The following KAT6B variants were observed in gnomAD, a reference collection of about 807,000 sequenced individuals.
KAT6B encodes histone acetyltransferase KAT6B.
In KAT6B, 10 loss-of-function variants were observed where a neutral mutation model predicts 187.5. The observed-to-expected ratio is 0.05, with a 90% CI of 0.03 to 0.09. KAT6B has a LOEUF of 0.09. KAT6B is among the 10% of genes least tolerant of loss of function. The pLI is 1.00. For synonymous variants in KAT6B, 861 were observed against 926.8 expected (o/e 0.93, Z 1.29); for missense variants, 1,952 against 2,558.9 (o/e 0.76, Z 5.12).
Position 74,998,440 on chromosome 10 carries a change from TA to T in KAT6B, c.2629+9337del, listed in dbSNP as rs529096549. ...GCAATATGGACTCATAGTAGAAAGTTAAAAAAAAAGGTGTAATTAATAGAAG... is the reference window on the plus strand; with the variant it reads ...GCAATATGGACTCATAGTAGAAAGTTAAAAAAAAGGTGTAATTAATAGAAG... On this transcript the variant is annotated intron_variant, in intron 13 of 17. Transcript: ENST00000287239. 1.9e-4 allele frequency among the ~76,000 whole-genome samples: 29 copies of T among 150,706 alleles called. No homozygotes were observed. In the East Asian group the frequency reaches 3.1e-3, roughly 16 times the overall value.
intron 13 of KAT6B, among the ~76,000 whole-genome samples, chr10:74,992,970 G>A (rs1433520761): frequency 6.6e-6 from 1 of 152,096 alleles, no homozygotes; most frequent in Non-Finnish European, 1.5e-5. Flanking sequence ...CTTCCTCTTG[G>A]ATTCTAGGAT....
In KAT6B at chr10:75,031,319, T is replaced by A; in HGVS notation, c.*273T>A. 2.1e-6 allele frequency: 1 copy of A among 470,696 alleles called. No homozygotes were observed. Among genetic ancestry groups the A allele is most frequent in the South Asian group, 2.3e-5 (1 of 42,632 alleles). The allele number at this position is 470,696 out of a possible 1,614,324, so 29.2% of individuals were successfully genotyped here. A position where few individuals can be genotyped will look rare whatever the true frequency, so the allele number is the denominator to read the frequency against. On this transcript the variant is annotated 3_prime_UTR_variant, in exon 18 of 18. Coordinates refer to ENST00000287239, the MANE Select transcript of KAT6B (RefSeq NM_012330.4). ...AGGAAGGCCTCTCTTTGGACTACAA[T>A]TTGGAGGCAGCCACTTGTTGTGCCT...
intron 4 of KAT6B, 114 bp downstream of exon 4, chr10:74,960,192 C>G (rs1841001140): frequency 2.6e-6 from 2 of 782,214 alleles, no homozygotes. Context: ...ATGGTAATAG[C>G]ATAGGCTTTA....
At chr10:74,872,087 C>G (rs956615873) in intron 3 of KAT6B, among the ~76,000 whole-genome samples, 1 of 152,190 alleles carries the variant, frequency 6.6e-6, no homozygotes, top group African/African-American at 2.4e-5. Flanking sequence ...CCTTTACTAA[C>G]AGTAACCTAA....
chr10:74,871,429 G>A (rs1308386695), intron 3 of KAT6B, among the ~76,000 whole-genome samples: 1 of 152,056 alleles, frequency 6.6e-6, no homozygotes, highest in African/African-American at 2.4e-5. Context: ...CTGACCTCAA[G>A]TGATCCACCT....
chr10:75,014,474 A>T (rs1404334337), intron 13 of KAT6B, among the ~76,000 whole-genome samples: 6 of 152,116 alleles, frequency 3.9e-5, no homozygotes, highest in Admixed American at 6.5e-5. Context: ...TTTTTAATTT[A>T]AAAAAATGTT....
chr10:74,893,382 A>C (rs1845766302), intron 3 of KAT6B, among the ~76,000 whole-genome samples: 1 of 152,126 alleles, frequency 6.6e-6, no homozygotes, highest in African/African-American at 2.4e-5. Context: ...GACTAAATAG[A>C]CTTTTTAATA....
intron 4 of KAT6B, among the ~76,000 whole-genome samples, chr10:74,964,978 C>G (rs1043406306): frequency 6.6e-6 from 1 of 152,204 alleles, no homozygotes; most frequent in Non-Finnish European, 1.5e-5. Flanking sequence ...TAGGCTTCAC[C>G]CTTTTTCCTC....
intron 11 of KAT6B, 111 bp downstream of exon 11, chr10:74,982,039 T>C (rs1842547692): frequency 1.0e-6 from 1 of 999,538 alleles, no homozygotes; most frequent in Non-Finnish European, 1.6e-6. Context: ...ATTTTGGCAC[T>C]GAAATTCAGA....
At chr10:74,906,504 T>G (rs562702330) in intron 3 of KAT6B, among the ~76,000 whole-genome samples, 2 of 152,358 alleles carry the variant, frequency 1.3e-5, no homozygotes, top group South Asian at 4.1e-4. Flanking sequence ...TGGATTTGGT[T>G]GGTTCTCTCT....
At chr10:74,895,833 A>G (rs1845950367) in intron 3 of KAT6B, among the ~76,000 whole-genome samples, 3 of 151,982 alleles carry the variant, frequency 2.0e-5, no homozygotes, top group African/African-American at 2.4e-5. Flanking sequence ...GTTCCTATCA[A>G]TCTTTCCAGC....
At chr10:74,907,510 TTTTTTCTTTTTCTTTTTC>T (rs774952241) in intron 3 of KAT6B, among the ~76,000 whole-genome samples, 3 of 152,122 alleles carry the variant, frequency 2.0e-5, no homozygotes, top group Non-Finnish European at 4.4e-5. Context: ...GTGACTTTTC[TTTTTTCTTTTTCTTTTTC>T]TTTTTCTTTT....
chr10:75,030,902 C>T lies in KAT6B; in HGVS notation c.6078C>T (p.Gly2026=), dbSNP rs1412802297. The stretch of plus-strand genomic sequence containing the variant: ...AATACCCTATGCAGATGCAGATGGG[C>T]ATGATGGGCACCCAGCCATATGCCC... ...TPQYPMQMQM[G]MMGTQPYAQQ... Residue 2026 remains glycine, a synonymous_variant, in exon 18 of 18, where the codon GGC becomes GGT. Transcript: ENST00000287239. This position sits in a 1 kb window ranked among gnomAD's most constrained non-coding sequence, Gnocchi z 4.8. The T allele has an allele frequency of 6.2e-7, 1 of 1,613,954 alleles. No individual in the cohort carries two copies. The highest frequency in any genetic ancestry group is 8.5e-7 in the Non-Finnish European group (1 of 1,180,016).
intron 3 of KAT6B, among the ~76,000 whole-genome samples, chr10:74,891,069 T>G (rs1845616928): frequency 6.6e-6 from 1 of 152,254 alleles, no homozygotes; most frequent in Non-Finnish European, 1.5e-5. Flanking sequence ...TGAAAATTAC[T>G]GAGCAAGATT....
chr10:74,906,141 T>A (rs1846743242), intron 3 of KAT6B, among the ~76,000 whole-genome samples: 1 of 152,156 alleles, frequency 6.6e-6, no homozygotes, highest in African/African-American at 2.4e-5. Flanking sequence ...ATCTCACACC[T>A]GAAATCCCAG....
intron 3 of KAT6B, among the ~76,000 whole-genome samples, chr10:74,926,945 A>C (rs1848550313): frequency 6.6e-6 from 1 of 152,214 alleles, no homozygotes. Context: ...CAGGGTCATA[A>C]GGATCAAATG....
At chr10:74,828,833 C>T (rs1173760205) in intron 1 of KAT6B, among the ~76,000 whole-genome samples, 1 of 151,940 alleles carries the variant, frequency 6.6e-6, no homozygotes, top group Admixed American at 6.5e-5. Flanking sequence ...TCCCAAAGTG[C>T]TGGGATTACA....
Position 75,020,596 on chromosome 10 carries a change from A to C in KAT6B, c.2644A>C (p.Arg882=), listed in dbSNP as rs751463821. 1 of 1,614,012 alleles carries C rather than the reference A, an allele frequency of 6.2e-7. No homozygotes were observed. The highest frequency in any genetic ancestry group is 1.1e-5 in the South Asian group (1 of 91,088). The change falls in exon 14 of 18, where the codon AGA becomes CGA. Residue 882 remains arginine, a synonymous_variant. Transcript: ENST00000287239. ...TTCTGCCCTAGGCTATTTGCTTTCTAGAAGAGAAGGCCAAGCAGGGTCTCC... is the reference window on the plus strand; with the variant it reads ...TTCTGCCCTAGGCTATTTGCTTTCTCGAAGAGAAGGCCAAGCAGGGTCTCC... The part of the protein sequence containing the change: ...FLIDFSYLLS[R]REGQAGSPEK...
chr10:74,845,740 G>A (rs1382588179), intron 3 of KAT6B, among the ~76,000 whole-genome samples: 1 of 150,902 alleles, frequency 6.6e-6, no homozygotes, highest in Non-Finnish European at 1.5e-5. Context: ...ATTGAAACAT[G>A]CATGTTAGGA....
Sources: allele counts gnomAD v4.1 joint callset (sites outside exome capture counted in the v4.1 genomes callset), GRCh38; gene constraint gnomAD v4.1.1; non-coding constraint Gnocchi (gnomAD v3.1); transcripts MANE v1.5; gene names NCBI Gene and HGNC (gene_info 2026-07-23, HGNC 2026-07-21).